OPCML: variants seen among roughly 807,000 people sequenced by gnomAD.
OPCML encodes opioid-binding protein/cell adhesion molecule.
A neutral mutation model predicts 37.8 loss-of-function variants in OPCML; 13 were observed. The observed-to-expected ratio is 0.34, with a 90% confidence interval of 0.22 to 0.55. The LOEUF is 0.55. Among genes scored for constraint, OPCML ranks in the 20% least tolerant of loss-of-function variants. OPCML has a pLI of 0.91. For missense variants in OPCML, 341 were observed against 435.6 expected (o/e 0.78, Z 1.93); for synonymous variants, 176 against 168.8 (o/e 1.04, Z -0.33).
chr11:132,687,480 C>T (rs1943217554), intron 2 of OPCML, among the ~76,000 whole-genome samples: 1 of 133,992 alleles, frequency 7.5e-6, no homozygotes, highest in Non-Finnish European at 1.5e-5. Context: ...ATTTAAGATC[C>T]TTAACATAAA....
intron 1 of OPCML, among the ~76,000 whole-genome samples, chr11:133,207,016 G>C (rs915627823): frequency 6.6e-6 from 1 of 151,820 alleles, no homozygotes; most frequent in East Asian, 1.9e-4. Flanking sequence ...AGCCGGGCGC[G>C]GTGGCTCACG....
intron 1 of OPCML, among the ~76,000 whole-genome samples, chr11:132,975,701 T>C (rs1946448486): frequency 1.3e-5 from 2 of 152,114 alleles, no homozygotes; most frequent in Non-Finnish European, 2.9e-5. Context: ...GCTTTCTTTT[T>C]TGCACTCTGC....
intron 1 of OPCML, chr11:133,008,523 T>G: frequency 1.3e-6 from 1 of 759,500 alleles, no homozygotes; most frequent in Non-Finnish European, 1.6e-6. Flanking sequence ...ATATTCGCTG[T>G]GGAAGGCTCC....
rs537076117 is a variant in OPCML at position 133,081,283 on chromosome 11, C to T, written c.62-138273G>A. Among the ~76,000 whole-genome samples, 439 of 152,142 alleles carry T rather than the reference C, an allele frequency of 2.9e-3. 1 individual carries two copies. Among genetic ancestry groups the T allele is most frequent in the Non-Finnish European group, 5.2e-3 (352 of 68,006 alleles). ...TCTCCGTTTCCTTTGGGATGTCAGC[C>T]CCGTTGGTACCACCTAGCAGACATC... On this transcript the variant is annotated intron_variant, in intron 1 of 7. Transcript: ENST00000524381.
chr11:132,971,573 G>A (rs1458112421), intron 1 of OPCML, among the ~76,000 whole-genome samples: 1 of 152,140 alleles, frequency 6.6e-6, no homozygotes, highest in Admixed American at 6.5e-5. Context: ...TCAGTGACTT[G>A]GAATGGCCTC....
intron 1 of OPCML, among the ~76,000 whole-genome samples, chr11:132,986,824 A>G (rs1435826270): frequency 1.3e-5 from 2 of 152,234 alleles, no homozygotes; most frequent in East Asian, 3.9e-4. Flanking sequence ...AGTTCCCTAT[A>G]GATTCCATGA....
intron 2 of OPCML, among the ~76,000 whole-genome samples, chr11:132,672,372 A>G (rs1267384109): frequency 1.3e-5 from 2 of 152,202 alleles, no homozygotes; most frequent in Admixed American, 6.5e-5. Flanking sequence ...TCAGGGCAGT[A>G]ATACGCAAGG....
intron 4 of OPCML, among the ~76,000 whole-genome samples, chr11:132,454,281 G>A (rs1565576076): frequency 6.6e-6 from 1 of 152,180 alleles, no homozygotes; most frequent in Non-Finnish European, 1.5e-5. Context: ...CTTCTCCCAG[G>A]TCATAACTTG....
At position 132,562,329 on chromosome 11, in the gene OPCML, GA is replaced by G. The variant is rs930378322; in HGVS notation, c.380-33144del. On this transcript the variant is annotated intron_variant, in intron 3 of 7. Transcript: ENST00000524381. ...ACTATTTGGAAAGTAGGGGTCTCAG[GA>G]AAAAAAAAAAGTCTAGTATGAAAAA... Among the ~76,000 whole-genome samples, 679 of 143,454 alleles carry G rather than the reference GA, an allele frequency of 4.7e-3. 4 individuals are homozygous for G. Among genetic ancestry groups the G allele is most frequent in the African/African-American group, 0.015 (593 of 39,298 alleles). The allele number at this position is 143,454 out of a possible 152,430, so 94.1% of individuals were successfully genotyped here.
At chr11:133,256,056 C>A (rs1565532553) in intron 1 of OPCML, among the ~76,000 whole-genome samples, 2 of 152,200 alleles carry the variant, frequency 1.3e-5, no homozygotes, top group East Asian at 1.9e-4. Context: ...GCTATAATAA[C>A]TTTATCACAA....
intron 1 of OPCML, among the ~76,000 whole-genome samples, chr11:133,095,881 G>C (rs1948994807): frequency 6.6e-6 from 1 of 151,746 alleles, no homozygotes; most frequent in Non-Finnish European, 1.5e-5. Flanking sequence ...TCCTTCAATG[G>C]TGAAAGAGAA....
intron 2 of OPCML, among the ~76,000 whole-genome samples, chr11:132,754,717 G>T (rs889783939): frequency 3.3e-5 from 5 of 152,100 alleles, no homozygotes; most frequent in Admixed American, 6.5e-5. Flanking sequence ...GCTCAGAAAT[G>T]GCTTCAAAAT....
At position 133,333,385 on chromosome 11, in the gene OPCML, TG is replaced by T. The variant is rs1943669279; in HGVS notation, c.61+198878del. ...TAACAAAGCTGACAAAAACAAGCAA[TG>T]GGAAAAAAAAAACTCCCTATTCAGT... On this transcript the variant is annotated intron_variant, in intron 1 of 7. Coordinates refer to ENST00000524381, the MANE Select transcript of OPCML (RefSeq NM_001012393.5). Among the ~76,000 whole-genome samples the T allele has an allele frequency of 2.1e-5, 3 of 141,138 alleles. No individual in the cohort carries two copies. In the Admixed American group the frequency reaches 2.2e-4, roughly 10 times the overall value. 92.6% of individuals were successfully genotyped at this position (141,138 alleles called of 152,430 possible).
chr11:133,395,445 G>T (rs1250499313), intron 1 of OPCML, among the ~76,000 whole-genome samples: 3 of 152,114 alleles, frequency 2.0e-5, no homozygotes, highest in Non-Finnish European at 4.4e-5. Context: ...CTGTACTTGT[G>T]GGGTATTACT....
intron 1 of OPCML, among the ~76,000 whole-genome samples, chr11:133,271,694 T>C (rs1941840315): frequency 6.6e-6 from 1 of 152,196 alleles, no homozygotes; most frequent in Non-Finnish European, 1.5e-5. Flanking sequence ...CCCTATGCAA[T>C]ATCACCAGTC....
intron 3 of OPCML, among the ~76,000 whole-genome samples, chr11:132,563,440 C>A (rs568797807): frequency 2.0e-5 from 3 of 152,078 alleles, no homozygotes; most frequent in Non-Finnish European, 2.9e-5. Context: ...TTGACTCTTG[C>A]ACAATTCACC....
intron 3 of OPCML, among the ~76,000 whole-genome samples, chr11:132,568,223 T>G (rs765335470): frequency 6.6e-6 from 1 of 152,102 alleles, no homozygotes; most frequent in Non-Finnish European, 1.5e-5. Flanking sequence ...CCTAAGGAAA[T>G]AATCAGTAAC....
intron 1 of OPCML, among the ~76,000 whole-genome samples, chr11:133,154,998 G>A (rs1950036165): frequency 1.3e-5 from 2 of 151,932 alleles, no homozygotes; most frequent in South Asian, 4.2e-4. Flanking sequence ...CCTATTCCTG[G>A]GTTAGTGTAG....
Position 133,461,990 on chromosome 11 carries a change from A to G in OPCML, c.61+70274T>C, listed in dbSNP as rs1946871385. ...AACAAACCATAAAATATATTGTCAA[A>G]TAATTTTAAACAAGAGTGTCATGAC... On this transcript the variant is annotated intron_variant, in intron 1 of 7. Transcript: ENST00000524381. Among the ~76,000 whole-genome samples the G allele has an allele frequency of 2.6e-5, 4 of 151,996 alleles. No homozygotes were observed. In the South Asian group the frequency reaches 8.3e-4, roughly 32 times the overall value.
Sources: gnomAD v4.1 joint callset for allele counts (sites outside exome capture counted in the v4.1 genomes callset) on GRCh38, gnomAD v4.1.1 for gene constraint, MANE v1.5 for transcripts, NCBI Gene and HGNC (gene_info 2026-07-23, HGNC 2026-07-21) for gene names.